NRG3: variants seen among roughly 807,000 people sequenced by gnomAD.
NRG3 encodes pro-neuregulin-3, membrane-bound isoform.
Under a neutral mutation model 66.9 loss-of-function variants are expected in NRG3, and 31 were observed. That is an observed-to-expected ratio of 0.46 (90% confidence interval 0.35 to 0.63). NRG3 has a LOEUF of 0.63. Among genes scored for constraint, NRG3 ranks in the 20% least tolerant of loss-of-function variants. The pLI, the probability that NRG3 is intolerant of heterozygous loss-of-function variation, is 0.00. For missense variants in NRG3, 910 were observed against 878.9 expected (o/e 1.04, Z -0.45); for synonymous variants, 393 against 359.4 (o/e 1.09, Z -1.06).
chr10:82,316,557 A>C (rs1214485962), intron 1 of NRG3, among the ~76,000 whole-genome samples: 1 of 152,174 alleles, frequency 6.6e-6, no homozygotes, highest in Non-Finnish European at 1.5e-5. Flanking sequence ...GTGGGACCAG[A>C]AACCTTCTTT....
chr10:82,622,505 C>T (rs989075707), intron 2 of NRG3, among the ~76,000 whole-genome samples: 2 of 152,150 alleles, frequency 1.3e-5, no homozygotes, highest in East Asian at 1.9e-4. Context: ...CACGCACAGA[C>T]GGCCTCTAAC....
chr10:82,241,387 A>G (rs867910498), intron 1 of NRG3, among the ~76,000 whole-genome samples: 5 of 152,096 alleles, frequency 3.3e-5, no homozygotes, highest in Non-Finnish European at 5.9e-5. Context: ...CTGACAGTAT[A>G]CAAGGGGTAT....
At chr10:82,613,369 C>A (rs979179825) in intron 2 of NRG3, among the ~76,000 whole-genome samples, 3 of 151,514 alleles carry the variant, frequency 2.0e-5, no homozygotes, top group African/African-American at 7.3e-5. Context: ...AATTTTCAGA[C>A]AATCATTAAA....
At chr10:82,887,374 A>G (rs1842817565) in intron 4 of NRG3, among the ~76,000 whole-genome samples, 1 of 152,228 alleles carries the variant, frequency 6.6e-6, no homozygotes, top group South Asian at 2.1e-4. Context: ...TATCTAAACA[A>G]AAAATATGGT....
intron 3 of NRG3, among the ~76,000 whole-genome samples, chr10:82,768,275 G>C (rs531339512): frequency 6.6e-6 from 1 of 152,218 alleles, no homozygotes; most frequent in Admixed American, 6.5e-5. Context: ...TTTACTAGGA[G>C]AGCTGTCTCA....
intron 3 of NRG3, among the ~76,000 whole-genome samples, chr10:82,744,354 G>C (rs986943543): frequency 6.6e-6 from 1 of 152,154 alleles, no homozygotes; most frequent in Non-Finnish European, 1.5e-5. Flanking sequence ...TCAAGATCAA[G>C]GTGCTGGCAG....
intron 1 of NRG3, among the ~76,000 whole-genome samples, chr10:82,178,633 G>T (rs937130614): frequency 6.6e-6 from 1 of 152,030 alleles, no homozygotes; most frequent in Non-Finnish European, 1.5e-5. Flanking sequence ...GGTCATTTAG[G>T]TTTTTTATAT....
intron 3 of NRG3, among the ~76,000 whole-genome samples, chr10:82,795,718 A>G (rs904309074): frequency 6.6e-6 from 1 of 152,128 alleles, no homozygotes; most frequent in Non-Finnish European, 1.5e-5. Context: ...ACTTTTTTTA[A>G]AGGGGTAAAG....
At chr10:82,656,937 G>C (rs79048367) in intron 2 of NRG3, among the ~76,000 whole-genome samples, 6,747 of 152,032 alleles carry the variant, frequency 0.044, 520 homozygotes, top group African/African-American at 0.15. Context: ...CTTCTCTCTC[G>C]TCTCTGGCTC....
At chr10:82,470,292 T>C (rs1841126742) in intron 2 of NRG3, among the ~76,000 whole-genome samples, 1 of 152,328 alleles carries the variant, frequency 6.6e-6, no homozygotes, top group Middle Eastern at 3.4e-3. Flanking sequence ...TGAAGCCAGA[T>C]AGAGGTAGAT....
chr10:82,681,704 G>A (rs1371583473), intron 2 of NRG3, among the ~76,000 whole-genome samples: 2 of 152,230 alleles, frequency 1.3e-5, no homozygotes, highest in African/African-American at 4.8e-5. Context: ...ATGTTCAGAA[G>A]TGAACTGACT....
chr10:82,532,990 C>T (rs541862374), intron 2 of NRG3, among the ~76,000 whole-genome samples: 16 of 151,168 alleles, frequency 1.1e-4, no homozygotes, highest in Non-Finnish European at 1.9e-4. Context: ...AATGGCTACC[C>T]TAACAGGTAT....
intron 1 of NRG3, among the ~76,000 whole-genome samples, chr10:82,162,415 T>C (rs1040207249): frequency 6.6e-6 from 1 of 152,186 alleles, no homozygotes; most frequent in Non-Finnish European, 1.5e-5. Context: ...ACTAGGTGCC[T>C]TGCTCTGCCA....
At chr10:82,651,324 C>A (rs2051397445) in intron 2 of NRG3, among the ~76,000 whole-genome samples, 1 of 152,148 alleles carries the variant, frequency 6.6e-6, no homozygotes, top group Non-Finnish European at 1.5e-5. Flanking sequence ...AAAAAGAGAT[C>A]TCCATATTTC....
Position 82,202,228 on chromosome 10 carries a change from GA to G in NRG3, c.824-156510del, listed in dbSNP as rs1206300497. ...CCCTGACTCACACACATGACACAGG[GA>G]TCTGGAGATCTCTGCTGAGGTGTTG... is the stretch of plus-strand genomic sequence containing the variant. On this transcript the variant is annotated intron_variant, in intron 1 of 8. Transcript: ENST00000372141. Among the ~76,000 whole-genome samples the G allele has an allele frequency of 1.3e-5, 2 of 152,178 alleles. 1 individual carries two copies. The highest frequency in any genetic ancestry group is 2.9e-5 in the Non-Finnish European group (2 of 68,040).
At chr10:82,617,735 T>A (rs979982207) in intron 2 of NRG3, among the ~76,000 whole-genome samples, 1 of 152,090 alleles carries the variant, frequency 6.6e-6, no homozygotes, top group Non-Finnish European at 1.5e-5. Context: ...GGGGCCGTAG[T>A]GGAAGCCACG....
chr10:82,595,452 TA>T (rs1240292788), intron 2 of NRG3, among the ~76,000 whole-genome samples: 1 of 152,188 alleles, frequency 6.6e-6, no homozygotes, highest in Admixed American at 6.5e-5. Flanking sequence ...AAGATAGGAT[TA>T]CCACCTTATA....
intron 2 of NRG3, among the ~76,000 whole-genome samples, chr10:82,511,535 A>G (rs559054102): frequency 2.3e-4 from 35 of 152,184 alleles, no homozygotes; most frequent in Non-Finnish European, 4.8e-4. Flanking sequence ...TTTGAGGAGG[A>G]TTCAGAGCTG....
intron 2 of NRG3, among the ~76,000 whole-genome samples, chr10:82,481,819 T>C (rs1486730485): frequency 6.6e-6 from 1 of 152,104 alleles, no homozygotes; most frequent in Non-Finnish European, 1.5e-5. Flanking sequence ...AACGCATCTC[T>C]ACTAAAAACA....
Sources: allele counts gnomAD v4.1 joint callset (sites outside exome capture counted in the v4.1 genomes callset), GRCh38; gene constraint gnomAD v4.1.1; transcripts MANE v1.5; gene names NCBI Gene and HGNC (gene_info 2026-07-23, HGNC 2026-07-21).